Variants in GLIS3 observed in about 807,000 individuals in gnomAD.
GLIS3 encodes the protein zinc finger protein GLIS3.
GLIS3 carries 53 observed loss-of-function variants against 78.6 expected under a neutral mutation model. The ratio of observed to expected loss-of-function variants is 0.67; its 90% confidence interval spans 0.54 to 0.85. The LOEUF (loss-of-function observed/expected upper bound fraction) is 0.85, where lower values mean the gene tolerates loss of function less well. Ranked by LOEUF, GLIS3 falls within the 40% of genes least tolerant of loss-of-function variation. The pLI is 0.00. For synonymous variants in GLIS3, 684 were observed against 509.9 expected (o/e 1.34, Z -4.60); for missense variants, 1,703 against 1,231.1 (o/e 1.38, Z -5.74).
chr9:4,442,291 G>T, the GLIS3 span, among the ~76,000 whole-genome samples: 1,163 of 152,208 alleles, frequency 7.6e-3, 24 homozygotes, highest in African/African-American at 0.027. Flanking sequence ...GGCATCAGTT[G>T]TCATGTCTCC....
the GLIS3 span, among the ~76,000 whole-genome samples, chr9:4,378,353 A>C: frequency 6.6e-6 from 1 of 152,194 alleles, no homozygotes; most frequent in Admixed American, 6.6e-5. Context: ...TGTTTATCAG[A>C]AATATTTCAG....
At chr9:4,470,364 T>C in the GLIS3 span, among the ~76,000 whole-genome samples, 8 of 152,192 alleles carry the variant, frequency 5.3e-5, no homozygotes, top group African/African-American at 1.9e-4. Context: ...AATAAAATAC[T>C]GGCAAACCAA....
intron 4 of GLIS3, among the ~76,000 whole-genome samples, chr9:3,951,535 G>A (rs887462239): frequency 6.6e-6 from 1 of 151,898 alleles, no homozygotes; most frequent in Non-Finnish European, 1.5e-5. Context: ...CCAGAAACAT[G>A]AGCATTTGAG....
chr9:4,266,051 T>C (rs903284908), intron 2 of GLIS3, among the ~76,000 whole-genome samples: 1 of 152,092 alleles, frequency 6.6e-6, no homozygotes, highest in Non-Finnish European at 1.5e-5. Flanking sequence ...CCCGAGTAGC[T>C]GGGACTACAG....
chr9:4,463,231 G>A, the GLIS3 span, among the ~76,000 whole-genome samples: 1 of 152,158 alleles, frequency 6.6e-6, no homozygotes, highest in Admixed American at 6.5e-5. Context: ...GCCTATAAAA[G>A]TTGACTTTAA....
chr9:4,265,386 A>G (rs554909872), intron 2 of GLIS3, among the ~76,000 whole-genome samples: 157 of 151,906 alleles, frequency 1.0e-3, no homozygotes, highest in African/African-American at 3.8e-3. Flanking sequence ...AGGTAGGTAC[A>G]GATATTATCC....
At chr9:3,970,359 T>G (rs1296033474) in intron 4 of GLIS3, among the ~76,000 whole-genome samples, 1 of 152,200 alleles carries the variant, frequency 6.6e-6, no homozygotes, top group African/African-American at 2.4e-5. Context: ...ATGAATCGTG[T>G]TGATTATTTT....
rs141063026 is a variant in GLIS3 at position 4,263,360 on chromosome 9, A to G, written c.388+22678T>C. ...AACTATTATGGTTTAGATGTTTTTC[A>G]TTAATTGACATGTGAGATAAATGTT... On this transcript the variant is annotated intron_variant, in intron 2 of 10. Transcript: ENST00000381971. Among the ~76,000 whole-genome samples, 662 of 152,338 alleles carry G rather than the reference A, an allele frequency of 4.3e-3. 4 individuals are homozygous for G. Among genetic ancestry groups the G allele is most frequent in the Non-Finnish European group, 5.6e-3 (381 of 68,028 alleles).
At chr9:4,485,639 T>A in the GLIS3 span, among the ~76,000 whole-genome samples, 1 of 152,000 alleles carries the variant, frequency 6.6e-6, no homozygotes, top group Non-Finnish European at 1.5e-5. Context: ...TTTCAGTGAA[T>A]CAGCTCTACC....
intron 2 of GLIS3, among the ~76,000 whole-genome samples, chr9:4,135,031 A>C (rs1360172412): frequency 6.6e-6 from 1 of 152,170 alleles, no homozygotes; most frequent in Non-Finnish European, 1.5e-5. Context: ...CAGAAAAAAA[A>C]AGATATTCTG....
the GLIS3 span, among the ~76,000 whole-genome samples, chr9:4,432,604 A>G: frequency 6.9e-6 from 1 of 144,810 alleles, no homozygotes; most frequent in Non-Finnish European, 1.5e-5. Context: ...TTGTAAATTC[A>G]TTGTTTGAAA....
chr9:4,232,559 T>C (rs1463518238), intron 2 of GLIS3, among the ~76,000 whole-genome samples: 2 of 152,120 alleles, frequency 1.3e-5, no homozygotes, highest in Non-Finnish European at 2.9e-5. Context: ...AAAATATAGA[T>C]AATAATCTCT....
At chr9:3,992,445 T>C (rs1445144829) in intron 4 of GLIS3, among the ~76,000 whole-genome samples, 1 of 152,208 alleles carries the variant, frequency 6.6e-6, no homozygotes, top group African/African-American at 2.4e-5. Context: ...TCAAAAAAAC[T>C]GCATTTCCCT....
At chr9:4,445,430 C>A in the GLIS3 span, among the ~76,000 whole-genome samples, 1 of 152,088 alleles carries the variant, frequency 6.6e-6, no homozygotes, top group East Asian at 1.9e-4. Flanking sequence ...AGTTCAAGAC[C>A]AGCCTGGGCA....
At chr9:4,213,056 AT>A (rs1376826729) in intron 2 of GLIS3, among the ~76,000 whole-genome samples, 1 of 152,076 alleles carries the variant, frequency 6.6e-6, no homozygotes, top group African/African-American at 2.4e-5. Flanking sequence ...GAAAAAAACT[AT>A]TTCCCTTATG....
rs141404450 is a variant in GLIS3 at position 3,874,941 on chromosome 9, G to A, written c.2297+4486C>T. Reference sequence around the variant, plus strand: ...AGCTCTATTACCTGAACGACAAAGCGCACTGTTTGTGGCCTTCTTCAGAAT... The same window carrying A: ...AGCTCTATTACCTGAACGACAAAGCACACTGTTTGTGGCCTTCTTCAGAAT... On this transcript the variant is annotated intron_variant, in intron 8 of 10. Transcript: ENST00000381971. Among the ~76,000 whole-genome samples the A allele has an allele frequency of 8.1e-4, 123 of 152,242 alleles. 1 individual carries two copies. Among genetic ancestry groups the A allele is most frequent in the African/African-American group, 2.6e-3 (109 of 41,548 alleles).
intron 9 of GLIS3, among the ~76,000 whole-genome samples, chr9:3,847,293 C>T (rs373842821): frequency 6.6e-5 from 10 of 152,324 alleles, no homozygotes; most frequent in African/African-American, 2.4e-4. Flanking sequence ...ATAAACTTGT[C>T]TGTAAGTCAC....
chr9:3,923,467 T>G (rs1220523850), intron 6 of GLIS3, among the ~76,000 whole-genome samples: 1 of 152,100 alleles, frequency 6.6e-6, no homozygotes, highest in Non-Finnish European at 1.5e-5. Flanking sequence ...AAGAAAAAAT[T>G]GTGGGAAACT....
chr9:4,354,192 A>C, the GLIS3 span, among the ~76,000 whole-genome samples: 2 of 152,240 alleles, frequency 1.3e-5, no homozygotes, highest in South Asian at 4.1e-4. Context: ...GTGTTATGCT[A>C]AACTTGCAAA....
Sources: gnomAD v4.1 joint callset for allele counts (sites outside exome capture counted in the v4.1 genomes callset) on GRCh38, gnomAD v4.1.1 for gene constraint, MANE v1.5 for transcripts, NCBI Gene and HGNC (gene_info 2026-07-23, HGNC 2026-07-21) for gene names.